The following TRIOBP variants were observed in gnomAD, a reference collection of about 807,000 sequenced individuals.
TRIOBP encodes TRIO and F-actin binding protein.
TRIOBP carries 169 observed loss-of-function variants against 238.8 expected under a neutral mutation model. The ratio of observed to expected loss-of-function variants is 0.71; its 90% CI spans 0.62 to 0.80. The LOEUF is 0.80. Among genes scored for constraint, TRIOBP ranks in the 30% least tolerant of loss-of-function variants. The probability of loss-of-function intolerance (pLI) is 0.00; values close to 1 mark genes in which losing one functional copy is unlikely to be tolerated. For missense variants in TRIOBP, 2,838 were observed against 3,122.6 expected, an observed-to-expected ratio of 0.91 and a Z score of 2.17; for synonymous variants, 1,150 against 1,274.4, an observed-to-expected ratio of 0.90 and a Z score of 2.08.
At chr22:37,716,066 C>A in intron 6 of TRIOBP, 132 bp downstream of exon 6, 1 of 890,670 alleles carries the variant, frequency 1.1e-6, no homozygotes, top group Non-Finnish European at 1.8e-6. Flanking sequence ...TAACAGTTTG[C>A]ATGTCATGAT....
Position 37,771,708 on chromosome 22 carries a change from T to C in TRIOBP, c.6908T>C (p.Leu2303Pro). Residue 2303 changes from leucine (L) to proline (P), a missense_variant, in exon 22 of 24, where the codon CTC (leucine) becomes CCC (proline). Around this residue, in one of 5 missense-constraint regions of TRIOBP, gnomAD observed 2,096 missense variants for 2,137.4 expected, o/e 0.98. Coordinates refer to ENST00000644935, the MANE Select transcript of TRIOBP (RefSeq NM_001039141.3). ...TACCTAAAGAAGGAGGTGCAGTGCC[T>C]CCGGGACGAGCTCCAGATGATGCAG... is the stretch of plus-strand genomic sequence containing the variant. Reference protein sequence around the residue: ...LQYLKKEVQCLRDELQMMQKD... With the variant: ...LQYLKKEVQCPRDELQMMQKD... The C allele has an allele frequency of 6.2e-7, 1 of 1,614,116 alleles. No homozygotes were observed. Among genetic ancestry groups the C allele is most frequent in the Non-Finnish European group, 8.5e-7 (1 of 1,180,012 alleles).
chr22:37,726,360 G>C lies in TRIOBP; in HGVS notation c.3804G>C (p.Glu1268Asp). The C allele has an allele frequency of 6.2e-7, 1 of 1,607,058 alleles. No individual in the cohort carries two copies. The highest frequency in any genetic ancestry group is 1.1e-5 in the South Asian group (1 of 90,316). ...AGACCAGGCACAACTTGGAGCGGGA[G>C]GAGTACACTGTGCTGGCCGACCTGC... ...PGETRHNLER[E>D]EYTVLADLPP... Residue 1268 changes from glutamate (E) to aspartate (D), a missense_variant, in exon 7 of 24, where the codon GAG (glutamate) becomes GAC (aspartate). Transcript: ENST00000644935.
chr22:37,719,915 C>G (rs1923729990), intron 6 of TRIOBP, among the ~76,000 whole-genome samples: 1 of 126,722 alleles, frequency 7.9e-6, no homozygotes, highest in Admixed American at 8.6e-5. Flanking sequence ...CTGAACCTGC[C>G]AATTTATACA....
At chr22:37,726,690 T>C (rs1924187773) in intron 7 of TRIOBP, 187 bp downstream of exon 7, 2 of 633,656 alleles carry the variant, frequency 3.2e-6, no homozygotes, top group Non-Finnish European at 5.1e-6. Flanking sequence ...GTTTTGTGTG[T>C]GTGTGTGGTT....
At chr22:37,711,353 C>T (rs1033945493) in intron 4 of TRIOBP, among the ~76,000 whole-genome samples, 26 of 151,778 alleles carry the variant, frequency 1.7e-4, no homozygotes, top group African/African-American at 5.8e-4. Context: ...CCAAGGTGGG[C>T]GGATCACTTG....
chr22:37,716,304 G>T (rs148510405), intron 6 of TRIOBP, among the ~76,000 whole-genome samples: 2,979 of 152,100 alleles, frequency 0.02, 44 homozygotes, highest in South Asian at 0.038. Context: ...TAGACATGGG[G>T]TTTCACCATG....
chr22:37,763,374 TCCTA>T (rs1926334704), intron 17 of TRIOBP, among the ~76,000 whole-genome samples: 1 of 152,072 alleles, frequency 6.6e-6, no homozygotes, highest in African/African-American at 2.4e-5. Flanking sequence ...TGTTCTGTTG[TCCTA>T]AGCCAGGAGA....
At chr22:37,736,326 C>T (rs1042348442) in intron 9 of TRIOBP, among the ~76,000 whole-genome samples, 4 of 152,178 alleles carry the variant, frequency 2.6e-5, no homozygotes, top group Non-Finnish European at 5.9e-5. Flanking sequence ...ACTTCTCTGA[C>T]GGGCAGCGCT....
chr22:37,723,078 G>A, intron 6 of TRIOBP, 107 bp from the exon 7 acceptor site: 1 of 1,071,308 alleles, frequency 9.3e-7, no homozygotes, highest in Non-Finnish European at 1.4e-6. Context: ...GTAGGAGGAG[G>A]GTGTGGGGTT....
intron 3 of TRIOBP, among the ~76,000 whole-genome samples, chr22:37,705,568 T>C (rs1922898739): frequency 6.6e-6 from 1 of 151,720 alleles, no homozygotes; most frequent in Non-Finnish European, 1.5e-5. Flanking sequence ...CTGAGGTTTT[T>C]TTCTGTTTTG....
At chr22:37,772,536 T>C (rs943001518) in intron 22 of TRIOBP, 65 bp from the exon 23 acceptor site, 7 of 1,610,228 alleles carry the variant, frequency 4.3e-6, no homozygotes, top group African/African-American at 1.3e-5. Flanking sequence ...GTGCTGCCCA[T>C]GTGCCCGGTT....
chr22:37,701,522 G>C (rs200443445), intron 3 of TRIOBP, 43 bp downstream of exon 3: 56 of 1,437,920 alleles, frequency 3.9e-5, no homozygotes, highest in Non-Finnish European at 5.3e-5. Context: ...TGTGATGGGG[G>C]CATGGGTGAA....
Position 37,740,938 on chromosome 22 carries a change from AGGGCCGACT to A in TRIOBP, c.5231_5239del (p.Gly1744_Leu1746del). On this transcript the variant is annotated inframe_deletion, in exon 11 of 24. Coordinates refer to ENST00000644935, the MANE Select transcript of TRIOBP (RefSeq NM_001039141.3). ...GAGGGCAAGGCTGGGAGCCCGCTCA[AGGGCCGACT>A]GGTGACCTCATGGCGGATGCCCGGG... 1 of 1,570,734 alleles carries A rather than the reference AGGGCCGACT, an allele frequency of 6.4e-7. No homozygotes were observed. Among genetic ancestry groups the A allele is most frequent in the Non-Finnish European group, 8.6e-7 (1 of 1,157,754 alleles).
At chr22:37,701,820 A>T (rs1922663977) in intron 3 of TRIOBP, among the ~76,000 whole-genome samples, 1 of 152,208 alleles carries the variant, frequency 6.6e-6, no homozygotes, top group Admixed American at 6.5e-5. Context: ...TCCTGTTAAG[A>T]AGAAGAGGTT....
Position 37,755,508 on chromosome 22 carries a change from C to G in TRIOBP, c.5578-42C>G, listed in dbSNP as rs764668395. The G allele has an allele frequency of 9.6e-6, 15 of 1,556,582 alleles. No homozygotes were observed. In the East Asian group the frequency reaches 3.1e-4, roughly 33 times the overall value. ...GGTCCATAGTGGGGAGGGAGTCATG[C>G]GGCTGGCCATGTGGCAACCTACCCA... On this transcript the variant is annotated intron_variant, in intron 14 of 23. Transcript: ENST00000644935.
intron 11 of TRIOBP, chr22:37,746,385 C>A: frequency 7.1e-7 from 1 of 1,399,522 alleles, no homozygotes; most frequent in Non-Finnish European, 9.4e-7. Context: ...ACGTTCCTGC[C>A]TCCTGCTCCC....
chr22:37,697,282 G>A (rs1569028592), intron 1 of TRIOBP, among the ~76,000 whole-genome samples, 193 bp downstream of exon 1: 2 of 152,186 alleles, frequency 1.3e-5, no homozygotes, highest in Admixed American at 6.5e-5. Context: ...TTTTAGAGAA[G>A]GATTCTGCCT....
In TRIOBP at chr22:37,769,366, C is replaced by T. The variant is rs764022321; in HGVS notation, c.6840C>T (p.Cys2280=). Residue 2280 remains cysteine (C), a synonymous_variant, in exon 21 of 24, where the codon TGC becomes TGT. Coordinates refer to ENST00000644935, the MANE Select transcript of TRIOBP (RefSeq NM_001039141.3). ...GGCGCAGCAACGAGCGGAGTTCCTG[C>T]GAGCTAGAGGTGAGTGTCCTCACTA... The part of the protein sequence containing the change: ...GCGRSNERSS[C]ELEVLLRVKE... 2.4e-5 allele frequency: 38 copies of T among 1,604,714 alleles called. No homozygotes were observed. Among genetic ancestry groups the T allele is most frequent in the East Asian group, 4.5e-5 (2 of 44,468 alleles).
At chr22:37,742,392 A>G (rs1007371332) in intron 11 of TRIOBP, among the ~76,000 whole-genome samples, 6 of 151,266 alleles carry the variant, frequency 4.0e-5, no homozygotes, top group African/African-American at 1.5e-4. Context: ...CCTCCCGAGT[A>G]TGTGGTACTA....
Sources: allele counts gnomAD v4.1 joint callset (sites outside exome capture counted in the v4.1 genomes callset), GRCh38; gene constraint gnomAD v4.1.1; regional missense constraint gnomAD v4.1.1; transcripts MANE v1.5; gene names NCBI Gene and HGNC (gene_info 2026-07-23, HGNC 2026-07-21).